HS6ST2: variants seen among roughly 807,000 people sequenced by gnomAD.
HS6ST2 encodes heparan-sulfate 6-O-sulfotransferase 2.
Under a neutral mutation model 33.0 loss-of-function variants are expected in HS6ST2, and 17 were observed. That is an observed-to-expected ratio of 0.52 (90% CI 0.35 to 0.77). The LOEUF (loss-of-function observed/expected upper bound fraction) is 0.77, where lower values mean the gene tolerates loss of function less well. Ranked by LOEUF, HS6ST2 falls within the 30% of genes least tolerant of loss-of-function variation. HS6ST2 has a pLI of 0.01. For synonymous variants in HS6ST2, 248 were observed against 237.1 expected, an observed-to-expected ratio of 1.05 and a Z score of -0.42; for missense variants, 519 against 551.7, an observed-to-expected ratio of 0.94 and a Z score of 0.59.
intron 2 of HS6ST2, among the ~76,000 whole-genome samples, chrX:132,929,823 C>T (rs1230830173): frequency 1.8e-5 from 2 of 111,868 alleles, no homozygotes; most frequent in Non-Finnish European, 3.8e-5. Flanking sequence ...AGAAAAACAA[C>T]AAGGATATGC....
chrX:132,717,996 G>C (rs2064292517), intron 2 of HS6ST2, among the ~76,000 whole-genome samples: 1 of 111,836 alleles, frequency 8.9e-6, no homozygotes, highest in Non-Finnish European at 1.9e-5. Flanking sequence ...TATGGACCAA[G>C]TTTGCCAAAC....
chrX:132,805,446 C>T (rs1414916409), intron 2 of HS6ST2, among the ~76,000 whole-genome samples: 1 of 104,389 alleles, frequency 9.6e-6, no homozygotes, highest in Non-Finnish European at 2.1e-5. Context: ...CCCCATCCCC[C>T]TTGGGGCAAA....
At position 132,792,316 on chromosome X, in the gene HS6ST2, A is replaced by C. The variant is rs919080170; in HGVS notation, c.948-83822T>G. 1.7e-4 allele frequency among the ~76,000 whole-genome samples: 19 copies of C among 111,856 alleles called. 1 individual carries two copies. The highest frequency in any genetic ancestry group is 5.5e-4 in the African/African-American group (17 of 30,733). ...GGGAGTTCTTTGTTTCGGGAATTAG[A>C]ACTTCAAAAACTAGGTAGCAGCAAG... On this transcript the variant is annotated intron_variant, in intron 2 of 4. Coordinates refer to ENST00000370833, the MANE Select transcript of HS6ST2 (RefSeq NM_001394073.1).
Position 132,807,762 on chromosome X carries a change from T to C in HS6ST2, c.948-99268A>G, listed in dbSNP as rs181527080. ...AAATGCAAGCACTGCGAAAGGACGC[T>C]AAGGAAAGTGACTAAAAGCAGAGGG... On this transcript the variant is annotated intron_variant, in intron 2 of 4. Coordinates refer to ENST00000370833, the MANE Select transcript of HS6ST2 (RefSeq NM_001394073.1). 4.0e-3 allele frequency among the ~76,000 whole-genome samples: 446 copies of C among 111,907 alleles called. 2 individuals are homozygous for C. Among genetic ancestry groups the C allele is most frequent in the Non-Finnish European group, 6.2e-3 (328 of 53,193 alleles).
chrX:132,900,099 A>G (rs866305461), intron 2 of HS6ST2, among the ~76,000 whole-genome samples: 1 of 112,024 alleles, frequency 8.9e-6, no homozygotes, highest in Non-Finnish European at 1.9e-5. Flanking sequence ...GCATTTTCTT[A>G]TTAGTTTTTA....
At chrX:132,856,212 C>T (rs1463260730) in intron 2 of HS6ST2, among the ~76,000 whole-genome samples, 2 of 112,031 alleles carry the variant, frequency 1.8e-5, no homozygotes, top group African/African-American at 3.2e-5. Context: ...TCAGGAAATA[C>T]GTGATCACAG....
intron 2 of HS6ST2, among the ~76,000 whole-genome samples, chrX:132,865,055 T>C (rs1475003053): frequency 9.1e-6 from 1 of 109,860 alleles, no homozygotes; most frequent in Non-Finnish European, 1.9e-5. Flanking sequence ...TATACATGTG[T>C]CATGCTGGTG....
chrX:132,715,024 G>A (rs1431979790), intron 2 of HS6ST2, among the ~76,000 whole-genome samples: 2 of 112,296 alleles, frequency 1.8e-5, no homozygotes, highest in Admixed American at 1.9e-4. Context: ...AAGCCCCTCT[G>A]TGCTGGCAAA....
chrX:132,778,407 T>G, intron 2 of HS6ST2, among the ~76,000 whole-genome samples: 1 of 111,097 alleles, frequency 9.0e-6, no homozygotes, highest in Middle Eastern at 4.6e-3. Context: ...GTTTTTTTGT[T>G]TTTTGTTTTT....
intron 3 of HS6ST2, among the ~76,000 whole-genome samples, chrX:132,673,964 T>C (rs775135917): frequency 2.1e-4 from 23 of 112,168 alleles, no homozygotes; most frequent in Non-Finnish European, 3.8e-4. Flanking sequence ...TACTTTCGCA[T>C]TTCATTTTTT....
chrX:132,880,783 C>A (rs1446983565), intron 2 of HS6ST2, among the ~76,000 whole-genome samples: 1 of 91,177 alleles, frequency 1.1e-5, no homozygotes, highest in East Asian at 4.2e-4. Context: ...CCCCCTCCCC[C>A]CACCCCACAA....
chrX:132,940,420 A>G (rs2066874076), intron 2 of HS6ST2, among the ~76,000 whole-genome samples: 1 of 111,957 alleles, frequency 8.9e-6, no homozygotes, highest in Non-Finnish European at 1.9e-5. Context: ...CAAAGAAAAA[A>G]ATTAAATTGG....
chrX:132,687,980 A>T (rs1391120526), intron 3 of HS6ST2, among the ~76,000 whole-genome samples: 1 of 111,844 alleles, frequency 8.9e-6, no homozygotes, highest in African/African-American at 3.3e-5. Flanking sequence ...AACTCCTGAC[A>T]TCAGGTGATC....
chrX:132,796,309 T>C (rs1048599447), intron 2 of HS6ST2, among the ~76,000 whole-genome samples: 6 of 111,802 alleles, frequency 5.4e-5, no homozygotes, highest in African/African-American at 2.0e-4. Context: ...ATATTTTCCA[T>C]CCAACCTACC....
chrX:132,669,100 C>T lies in HS6ST2; in HGVS notation c.1067+13G>A. 1.7e-6 allele frequency: 2 copies of T among 1,146,631 alleles called. No homozygotes were observed. The highest frequency in any genetic ancestry group is 2.4e-6 in the Non-Finnish European group (2 of 837,865). The allele number at this position is 1,146,631 out of a possible 1,213,427, so 94.5% of individuals were successfully genotyped here. On this transcript the variant is annotated intron_variant, in intron 4 of 4. Transcript: ENST00000370833. ...CAGCTATGTCAGATGTACAGGAGCACTTTTTCACTTACTTCCCACTCTTAG... is the reference window on the plus strand; with the variant it reads ...CAGCTATGTCAGATGTACAGGAGCATTTTTTCACTTACTTCCCACTCTTAG...
chrX:132,632,110 A>G (rs1008109224), intron 4 of HS6ST2, among the ~76,000 whole-genome samples: 2 of 110,882 alleles, frequency 1.8e-5, no homozygotes, highest in Non-Finnish European at 3.8e-5. Flanking sequence ...TTTTCACTGC[A>G]GCAGAGAAGT....
At chrX:132,776,506 CTG>C (rs1297882400) in intron 2 of HS6ST2, among the ~76,000 whole-genome samples, 32 of 111,675 alleles carry the variant, frequency 2.9e-4, no homozygotes, top group African/African-American at 8.5e-4. Context: ...CATTAGGAAT[CTG>C]TGTTCACTAT....
chrX:132,779,424 T>C (rs925239690), intron 2 of HS6ST2, among the ~76,000 whole-genome samples: 1 of 111,614 alleles, frequency 9.0e-6, no homozygotes, highest in Non-Finnish European at 1.9e-5. Context: ...TCAAGTAAAA[T>C]GCCTGAAAGA....
intron 2 of HS6ST2, among the ~76,000 whole-genome samples, chrX:132,885,390 T>C (rs1476633609): frequency 5.4e-5 from 6 of 111,135 alleles, no homozygotes; most frequent in Admixed American, 4.8e-4. Flanking sequence ...TTACCTTAGG[T>C]AAATTATATC....
Sources: gnomAD v4.1 joint callset for allele counts (sites outside exome capture counted in the v4.1 genomes callset) on GRCh38, gnomAD v4.1.1 for gene constraint, MANE v1.5 for transcripts, NCBI Gene and HGNC (gene_info 2026-07-23, HGNC 2026-07-21) for gene names.